The following DOCK3 variants were observed in gnomAD, a reference collection of about 807,000 sequenced individuals.
The protein encoded by DOCK3 is dedicator of cytokinesis 3, also known as dedicator of cytokinesis protein 3.
In DOCK3, 60 loss-of-function variants were observed where a neutral mutation model predicts 265.6. That is an observed-to-expected ratio of 0.23 (90% CI 0.18 to 0.28). The LOEUF (loss-of-function observed/expected upper bound fraction) is 0.28. DOCK3 is among the 10% of genes least tolerant of loss of function. The pLI is 1.00. For synonymous variants in DOCK3, 881 were observed against 938.0 expected (o/e 0.94, Z 1.11); for missense variants, 1,981 against 2,594.3 (o/e 0.76, Z 5.14).
chr3:51,310,186 C>T (rs2082983396), intron 27 of DOCK3, 46 bp from the exon 28 acceptor site: 2 of 1,469,550 alleles, frequency 1.4e-6, no homozygotes, highest in Admixed American at 3.9e-5. Flanking sequence ...TGAGGAGATG[C>T]ATATTGTGGT....
intron 2 of DOCK3, chr3:50,787,918 C>T (rs2042270394): frequency 1.9e-6 from 2 of 1,028,372 alleles, no homozygotes; most frequent in Middle Eastern, 2.2e-4. Flanking sequence ...TAAGGTTTAC[C>T]TCCACTATGA....
rs755531254 is a variant in DOCK3, at chr3:50,869,342, A to ATTTTTTTTTTTTTTTTTTTTTTTTTTTT, written c.163-20663_163-20636dup. ...TCAATTTTATTTATTTCTGCTGGGA[A>ATTTTTTTTTTTTTTTTTTTTTTTTTTTT]TTTTTTTTTTTTTTTTTTTTTTTTT... On this transcript the variant is annotated intron_variant, in intron 3 of 52. Transcript: ENST00000266037. 1.6e-3 allele frequency among the ~76,000 whole-genome samples: 110 copies of ATTTTTTTTTTTTTTTTTTTTTTTTTTTT among 70,106 alleles called. 53 individuals are homozygous for ATTTTTTTTTTTTTTTTTTTTTTTTTTTT. The highest frequency in any genetic ancestry group is 4.6e-3 in the South Asian group (9 of 1,952). 46.0% of individuals were successfully genotyped at this position (70,106 alleles called of 152,430 possible).
intron 1 of DOCK3, among the ~76,000 whole-genome samples, chr3:50,767,444 T>C (rs557263726): frequency 7.2e-4 from 110 of 152,306 alleles, no homozygotes; most frequent in African/African-American, 2.6e-3. Context: ...TGTGGTATTA[T>C]TTCTGAGGGC....
chr3:50,964,969 C>G (rs1332197839), intron 5 of DOCK3, among the ~76,000 whole-genome samples: 1 of 152,024 alleles, frequency 6.6e-6, no homozygotes, highest in Non-Finnish European at 1.5e-5. Context: ...ACTGAATTAT[C>G]TTTAGAAAAT....
intron 7 of DOCK3, among the ~76,000 whole-genome samples, chr3:51,085,961 AGG>A (rs750258249): frequency 3.4e-4 from 51 of 152,230 alleles, no homozygotes; most frequent in Non-Finnish European, 5.0e-4. Flanking sequence ...CGGTTCAGTC[AGG>A]GATACCCTAA....
At chr3:50,920,645 CTTT>C (rs1248984498) in intron 4 of DOCK3, among the ~76,000 whole-genome samples, 3 of 152,060 alleles carry the variant, frequency 2.0e-5, no homozygotes, top group African/African-American at 7.2e-5. Flanking sequence ...CTCTTTTCTT[CTTT>C]ATTAGTCTTG....
intron 5 of DOCK3, among the ~76,000 whole-genome samples, chr3:51,049,974 G>T (rs964818931): frequency 2.6e-5 from 4 of 151,998 alleles, no homozygotes; most frequent in African/African-American, 9.7e-5. Context: ...GCATCAAAAA[G>T]AATAAAATAT....
intron 38 of DOCK3, 118 bp downstream of exon 38, chr3:51,341,503 G>A: frequency 9.1e-6 from 13 of 1,426,270 alleles, no homozygotes; most frequent in Non-Finnish European, 1.2e-5. Context: ...TGAGTGGGTG[G>A]GTGCCTATCT....
At chr3:51,353,401 C>G (rs755291171) in intron 40 of DOCK3, among the ~76,000 whole-genome samples, 10 of 152,118 alleles carry the variant, frequency 6.6e-5, no homozygotes, top group Admixed American at 6.5e-4. Flanking sequence ...CACCTGAGGT[C>G]AGGAGCTCGA....
intron 12 of DOCK3, among the ~76,000 whole-genome samples, chr3:51,207,887 C>G (rs138828707): frequency 2.0e-5 from 3 of 152,094 alleles, no homozygotes; most frequent in Non-Finnish European, 2.9e-5. Context: ...TGTGGGAACT[C>G]CCTAAGTGTC....
Position 51,381,075 on chromosome 3 carries a change from C to T in DOCK3, c.5609C>T (p.Ser1870Phe). Residue 1870 changes from serine to phenylalanine, a missense_variant, in exon 53 of 53, where the codon TCC becomes TTC. Around this residue, in one of 4 missense-constraint regions of DOCK3, gnomAD observed 1,357 missense variants for 1,866.8 expected, o/e 0.73. Transcript: ENST00000266037. This position sits in a 1 kb window ranked among gnomAD's most constrained non-coding sequence, Gnocchi z 5.6. The stretch of plus-strand genomic sequence containing the variant: ...TCTCCTCTCCACCCTATCCCAGCCT[C>T]CCCCACAAGCCCCCAGTCAGGTCTG... ...RKSPLHPIPASPTSPQSGLDG... is the reference protein window; with the variant it reads ...RKSPLHPIPAFPTSPQSGLDG... The T allele has an allele frequency of 6.2e-7, 1 of 1,606,480 alleles. No homozygotes were observed. The highest frequency in any genetic ancestry group is 8.5e-7 in the Non-Finnish European group (1 of 1,174,768).
At chr3:51,376,262 AG>A in intron 51 of DOCK3, among the ~76,000 whole-genome samples, 1 of 152,334 alleles carries the variant, frequency 6.6e-6, no homozygotes, top group South Asian at 2.1e-4. Flanking sequence ...ACAAGCCCCA[AG>A]AGGAAGGGGA....
intron 5 of DOCK3, among the ~76,000 whole-genome samples, chr3:51,045,470 G>A (rs533394297): frequency 6.6e-6 from 1 of 152,104 alleles, no homozygotes; most frequent in African/African-American, 2.4e-5. Context: ...TTGAAATATT[G>A]CAAGAATTAC....
intron 5 of DOCK3, among the ~76,000 whole-genome samples, chr3:50,974,814 A>G (rs1240109441): frequency 7.0e-6 from 1 of 143,678 alleles, no homozygotes; most frequent in East Asian, 2.0e-4. Context: ...CTTTTATTTC[A>G]TTGAGCAGTG....
chr3:51,306,390 G>A (rs992330646), intron 27 of DOCK3, among the ~76,000 whole-genome samples: 9 of 152,100 alleles, frequency 5.9e-5, no homozygotes, highest in African/African-American at 2.2e-4. Context: ...GTGGCTCTAT[G>A]CGAATCTCTT....
At chr3:51,034,454 T>G (rs1224524541) in intron 5 of DOCK3, among the ~76,000 whole-genome samples, 7 of 152,124 alleles carry the variant, frequency 4.6e-5, no homozygotes, top group African/African-American at 1.4e-4. Flanking sequence ...TATAGTCTAC[T>G]TGGAGTTAGT....
intron 21 of DOCK3, among the ~76,000 whole-genome samples, chr3:51,240,548 A>G (rs1452468172): frequency 6.6e-6 from 1 of 152,086 alleles, no homozygotes; most frequent in Non-Finnish European, 1.5e-5. Flanking sequence ...GTCTCCCTCT[A>G]TTATTGTGTA....
At chr3:50,747,877 G>C (rs1308920167) in intron 1 of DOCK3, among the ~76,000 whole-genome samples, 1 of 151,912 alleles carries the variant, frequency 6.6e-6, no homozygotes, top group Admixed American at 6.6e-5. Flanking sequence ...AAAAAAAGGG[G>C]GGGGGTATTG....
At chr3:50,804,224 G>A (rs1180907821) in intron 2 of DOCK3, among the ~76,000 whole-genome samples, 1 of 150,468 alleles carries the variant, frequency 6.6e-6, no homozygotes, top group Non-Finnish European at 1.5e-5. Flanking sequence ...ATAGGATGGC[G>A]GCCGGGAAGA....
Sources: allele counts gnomAD v4.1 joint callset (sites outside exome capture counted in the v4.1 genomes callset), GRCh38; gene constraint gnomAD v4.1.1; regional missense constraint gnomAD v4.1.1; non-coding constraint Gnocchi (gnomAD v3.1); transcripts MANE v1.5; gene names NCBI Gene and HGNC (gene_info 2026-07-23, HGNC 2026-07-21).